HECW1: variants seen among roughly 807,000 people sequenced by gnomAD.
HECW1 encodes the protein HECT, C2 and WW domain containing E3 ubiquitin protein ligase 1, also known as E3 ubiquitin-protein ligase HECW1.
HECW1 carries 61 observed loss-of-function variants against 182.3 expected under a neutral mutation model. The ratio of observed to expected loss-of-function variants is 0.33; its 90% CI spans 0.27 to 0.41. The LOEUF (loss-of-function observed/expected upper bound fraction) is 0.41. HECW1 is among the 10% of genes least tolerant of loss of function. The pLI is 1.00. For synonymous variants in HECW1, 859 were observed against 832.6 expected (o/e 1.03, Z -0.55); for missense variants, 1,739 against 2,108.9 (o/e 0.82, Z 3.44).
chr7:43,194,328 T>C (rs1211281826), intron 2 of HECW1: 3 of 152,186 alleles, frequency 2.0e-5, no homozygotes, highest in Non-Finnish European at 2.9e-5. Flanking sequence ...TTTAAAATGC[T>C]GAACTAAAGT....
chr7:43,146,071 A>G (rs941007753), intron 2 of HECW1, among the ~76,000 whole-genome samples: 15 of 152,078 alleles, frequency 9.9e-5, no homozygotes, highest in Admixed American at 9.2e-4. Context: ...CTGATAGGAA[A>G]CTCAAAGCCA....
At chr7:43,306,402 T>C (rs1807575985) in intron 3 of HECW1, among the ~76,000 whole-genome samples, 1 of 151,996 alleles carries the variant, frequency 6.6e-6, no homozygotes, top group African/African-American at 2.4e-5. Context: ...TAAATCCCAT[T>C]ACCCACCTGG....
chr7:43,363,874 C>T (rs1257877687), intron 6 of HECW1, among the ~76,000 whole-genome samples: 1 of 152,202 alleles, frequency 6.6e-6, no homozygotes, highest in African/African-American at 2.4e-5. Context: ...AACCACATTT[C>T]GCTTATACTT....
chr7:43,244,828 A>G (rs1367366146), intron 3 of HECW1, among the ~76,000 whole-genome samples: 4 of 152,226 alleles, frequency 2.6e-5, no homozygotes, highest in Non-Finnish European at 5.9e-5. Context: ...CACTTTGCAA[A>G]TTTATTAAGC....
intron 2 of HECW1, among the ~76,000 whole-genome samples, chr7:43,151,705 T>C (rs1225711633): frequency 1.3e-5 from 2 of 152,098 alleles, no homozygotes; most frequent in Non-Finnish European, 2.9e-5. Context: ...TCACAGAACA[T>C]AGAATGAAAA....
At chr7:43,541,118 T>C (rs1217626896) in intron 24 of HECW1, 45 bp from the exon 25 acceptor site, 1 of 1,419,316 alleles carries the variant, frequency 7.0e-7, no homozygotes, top group Admixed American at 1.7e-5. Flanking sequence ...TATTTAACAA[T>C]GTAAATTTCC....
At chr7:43,430,639 C>A (rs2076516527) in intron 8 of HECW1, among the ~76,000 whole-genome samples, 1 of 151,946 alleles carries the variant, frequency 6.6e-6, no homozygotes, top group South Asian at 2.1e-4. Flanking sequence ...GTCATGTGGA[C>A]AAGGATGGTA....
chr7:43,143,346 TG>T (rs1434730652), intron 2 of HECW1, among the ~76,000 whole-genome samples: 3 of 152,152 alleles, frequency 2.0e-5, no homozygotes, highest in Non-Finnish European at 4.4e-5. Context: ...TGCAGGGGCT[TG>T]ATCACAGCTA....
chr7:43,546,873 A>T (rs1378517973), intron 26 of HECW1, among the ~76,000 whole-genome samples: 1 of 152,134 alleles, frequency 6.6e-6, no homozygotes, highest in Non-Finnish European at 1.5e-5. Context: ...CCTGCCCTAA[A>T]TCCTGGTGCT....
intron 3 of HECW1, among the ~76,000 whole-genome samples, chr7:43,286,174 G>A (rs1249182319): frequency 1.3e-5 from 2 of 152,200 alleles, no homozygotes; most frequent in African/African-American, 2.4e-5. Flanking sequence ...GGGAGGGCAG[G>A]TAGAGAAATG....
At chr7:43,531,379 C>T (rs2080982355) in intron 24 of HECW1, among the ~76,000 whole-genome samples, 2 of 152,198 alleles carry the variant, frequency 1.3e-5, no homozygotes, top group Non-Finnish European at 2.9e-5. Flanking sequence ...GTCTATCTCC[C>T]TTCCTAGCTT....
Position 43,243,787 on chromosome 7 carries a change from G to A in HECW1, c.-31-88G>A. ...AGGCCAGGTATCTTGGCGGGGGTGG[G>A]GGAAACAATGTTGTTTGTGTGGGTA... On this transcript the variant is annotated intron_variant, in intron 2 of 29. Coordinates refer to ENST00000395891, the MANE Select transcript of HECW1 (RefSeq NM_015052.5). The surrounding 1 kb of genome is among the most constrained non-coding windows in gnomAD (Gnocchi z 4.0). 3 of 1,036,548 alleles carry A rather than the reference G, an allele frequency of 2.9e-6. No homozygotes were observed. The highest frequency in any genetic ancestry group is 2.4e-5 in the East Asian group (1 of 42,100). 64.2% of individuals were successfully genotyped at this position (1,036,548 alleles called of 1,614,324 possible).
At chr7:43,164,056 G>A (rs547848314) in intron 2 of HECW1, among the ~76,000 whole-genome samples, 1 of 152,196 alleles carries the variant, frequency 6.6e-6, no homozygotes, top group African/African-American at 2.4e-5. Context: ...AGGCAGCGAA[G>A]AGAGCGGTTG....
chr7:43,342,909 C>T (rs1447007141), intron 5 of HECW1, among the ~76,000 whole-genome samples: 1 of 151,520 alleles, frequency 6.6e-6, no homozygotes, highest in African/African-American at 2.4e-5. Flanking sequence ...ATCTGTAGTC[C>T]CAGCTACTCA....
chr7:43,506,520 T>C (rs2079581661), intron 21 of HECW1, among the ~76,000 whole-genome samples: 2 of 152,228 alleles, frequency 1.3e-5, no homozygotes, highest in African/African-American at 2.4e-5. Flanking sequence ...CTATTTATTA[T>C]AAAAGTCACT....
chr7:43,125,462 A>G (rs769140976), intron 2 of HECW1, among the ~76,000 whole-genome samples: 1 of 152,130 alleles, frequency 6.6e-6, no homozygotes. Flanking sequence ...TTATTCAAGA[A>G]GAGTGAGGCA....
At chr7:43,416,704 G>A (rs1261616824) in intron 8 of HECW1, among the ~76,000 whole-genome samples, 1 of 145,652 alleles carries the variant, frequency 6.9e-6, no homozygotes. Flanking sequence ...AGGACCCTCC[G>A]AGACAGGTGT....
chr7:43,149,130 A>T (rs1405371842), intron 2 of HECW1, among the ~76,000 whole-genome samples: 1 of 152,228 alleles, frequency 6.6e-6, no homozygotes, highest in Non-Finnish European at 1.5e-5. Context: ...CAATATTTGC[A>T]TAGTATCAAT....
At chr7:43,494,806 AC>A (rs2079054928) in intron 19 of HECW1, among the ~76,000 whole-genome samples, 1 of 152,074 alleles carries the variant, frequency 6.6e-6, no homozygotes, top group South Asian at 2.1e-4. Flanking sequence ...TAGCCACCTC[AC>A]CCAGCCTAAA....
Sources: allele counts gnomAD v4.1 joint callset (sites outside exome capture counted in the v4.1 genomes callset), GRCh38; gene constraint gnomAD v4.1.1; non-coding constraint Gnocchi (gnomAD v3.1); transcripts MANE v1.5; gene names NCBI Gene and HGNC (gene_info 2026-07-23, HGNC 2026-07-21).